PCDHGB4: variants seen among roughly 807,000 people sequenced by gnomAD.
The protein encoded by PCDHGB4 is protocadherin gamma-B4.
Under a neutral mutation model 60.5 loss-of-function variants are expected in PCDHGB4, and 38 were observed. That is an observed-to-expected ratio of 0.63 (90% confidence interval 0.48 to 0.82). The LOEUF is 0.82. PCDHGB4 is among the 40% of genes least tolerant of loss of function. PCDHGB4 has a pLI of 0.00. For synonymous variants in PCDHGB4, 456 were observed against 509.7 expected, an observed-to-expected ratio of 0.89 and a Z score of 1.42; for missense variants, 1,109 against 1,209.6, an observed-to-expected ratio of 0.92 and a Z score of 1.23.
intron 1 of PCDHGB4, among the ~76,000 whole-genome samples, chr5:141,472,994 A>AAAAG (rs1425445230): frequency 1.3e-5 from 2 of 151,692 alleles, no homozygotes; most frequent in Non-Finnish European, 2.9e-5. Context: ...AAAAAAAAAA[A>AAAAG]AAAGAAAGAA....
At position 141,477,811 on chromosome 5, in the gene PCDHGB4, C is replaced by A. The variant is rs1211574518; in HGVS notation, c.2398-16996C>A. 1 of 1,614,046 alleles carries A rather than the reference C, an allele frequency of 6.2e-7. No individual in the cohort carries two copies. Among genetic ancestry groups the A allele is most frequent in the Non-Finnish European group, 8.5e-7 (1 of 1,180,034 alleles). On this transcript the variant is annotated intron_variant, in intron 1 of 3. Transcript: ENST00000519479. This position sits in a 1 kb window ranked among gnomAD's most constrained non-coding sequence, Gnocchi z 4.9. ...TCACTGATCGCAATGACAATGCCCC[C>A]CAGGTCCTATATCCTCGGCCAGGTG...
rs766854792 is a variant in PCDHGB4 at position 141,388,160 on chromosome 5, G to A, written c.276G>A (p.Arg92=). ...GELLVSSRLD[R]EEICGKKPAC... ...TGCTTGTGAGCAGCAGGCTAGACAG[G>A]GAGGAGATATGCGGGAAGAAGCCAG... is the stretch of plus-strand genomic sequence containing the variant. The change falls in exon 1 of 4, where the codon AGG becomes AGA. Residue 92 remains arginine, a synonymous_variant. Coordinates refer to ENST00000519479, the MANE Select transcript of PCDHGB4 (RefSeq NM_003736.4). 9 of 1,474,272 alleles carry A rather than the reference G, an allele frequency of 6.1e-6. No homozygotes were observed. Among genetic ancestry groups the A allele is most frequent in the Non-Finnish European group, 8.4e-6 (9 of 1,065,922 alleles). The allele number at this position is 1,474,272 out of a possible 1,614,324, so 91.3% of individuals were successfully genotyped here. A position where few individuals can be genotyped will look rare whatever the true frequency, so the allele number is the denominator to read the frequency against.
chr5:141,398,472 C>T (rs2093659150), intron 1 of PCDHGB4: 1 of 1,606,348 alleles, frequency 6.2e-7, no homozygotes, highest in Non-Finnish European at 8.5e-7. Context: ...ATCCACTGAA[C>T]TTTTATCACG....
At chr5:141,427,856 C>T (rs1487451079) in intron 1 of PCDHGB4, 6 of 1,553,060 alleles carry the variant, frequency 3.9e-6, no homozygotes, top group Non-Finnish European at 5.3e-6. Flanking sequence ...AGCAGCTGTG[C>T]GCCTTCGAGC....
intron 1 of PCDHGB4, chr5:141,398,604 T>A: frequency 6.2e-7 from 1 of 1,614,048 alleles, no homozygotes; most frequent in Non-Finnish European, 8.5e-7. Flanking sequence ...TAGCAGAAGA[T>A]GCAGATATTG....
chr5:141,430,509 G>T, intron 1 of PCDHGB4: 1 of 328,564 alleles, frequency 3.0e-6, no homozygotes. Flanking sequence ...GGGAGTTCAA[G>T]ATTGTGCAGT....
chr5:141,441,627 G>C (rs1239011684), intron 1 of PCDHGB4: 1 of 223,512 alleles, frequency 4.5e-6, no homozygotes, highest in Non-Finnish European at 9.0e-6. Context: ...CAGTGACCTG[G>C]AGCCACAGGC....
In PCDHGB4 at chr5:141,431,059, C is replaced by G. The variant is rs367774626; in HGVS notation, c.2397+40778C>G. ...GGGAGGAGCTCTGTATGGGGGCCAT[C>G]AAGTGTCAATTAAATCTAGACATTC... On this transcript the variant is annotated intron_variant, in intron 1 of 3. Coordinates refer to ENST00000519479, the MANE Select transcript of PCDHGB4 (RefSeq NM_003736.4). This position sits in a 1 kb window ranked among gnomAD's most constrained non-coding sequence, Gnocchi z 4.8. 1 of 1,614,136 alleles carries G rather than the reference C, an allele frequency of 6.2e-7. No individual in the cohort carries two copies.
chr5:141,410,849 C>CTTTTTTTTTGTTTTTTTT (rs2095433801), intron 1 of PCDHGB4: 1 of 129,786 alleles, frequency 7.7e-6, no homozygotes, highest in African/African-American at 6.0e-5. Context: ...TTGTCTTTGT[C>CTTTTTTTTTGTTTTTTTT]TTTTTTTTTT....
intron 1 of PCDHGB4, chr5:141,422,368 G>A: frequency 1.9e-6 from 3 of 1,565,294 alleles, no homozygotes; most frequent in Non-Finnish European, 2.6e-6. Context: ...TGGAGAAAAT[G>A]GTCAAGTCTC....
At chr5:141,498,826 A>G (rs1186868890) in intron 2 of PCDHGB4, among the ~76,000 whole-genome samples, 1 of 152,006 alleles carries the variant, frequency 6.6e-6, no homozygotes, top group African/African-American at 2.4e-5. Context: ...CCAGCTACTC[A>G]GGAGGCTGAG....
At chr5:141,394,789 C>A (rs747304715) in intron 1 of PCDHGB4, 1 of 1,613,728 alleles carries the variant, frequency 6.2e-7, no homozygotes, top group South Asian at 1.1e-5. Context: ...GCCACTGTCA[C>A]GCTCACCGTA....
intron 1 of PCDHGB4, among the ~76,000 whole-genome samples, chr5:141,460,959 A>ATG (rs1248175237): frequency 7.9e-6 from 1 of 126,082 alleles, no homozygotes; most frequent in Non-Finnish European, 1.6e-5. Flanking sequence ...ATGTATATAT[A>ATG]TATGTGTGTG....
chr5:141,422,833 C>T, intron 1 of PCDHGB4: 2 of 1,614,224 alleles, frequency 1.2e-6, no homozygotes, highest in East Asian at 2.2e-5. Context: ...AGTGATAGCA[C>T]GTGACAGCGG....
chr5:141,406,620 C>T (rs1355085005), intron 1 of PCDHGB4, among the ~76,000 whole-genome samples: 1 of 152,148 alleles, frequency 6.6e-6, no homozygotes, highest in Non-Finnish European at 1.5e-5. Flanking sequence ...CTTTTATTCT[C>T]ATATCTTCAA....
intron 1 of PCDHGB4, among the ~76,000 whole-genome samples, chr5:141,470,142 A>G (rs1308458765): frequency 6.6e-6 from 1 of 152,044 alleles, no homozygotes; most frequent in Non-Finnish European, 1.5e-5. Context: ...AAAAAAGATC[A>G]TAGATCATCT....
intron 1 of PCDHGB4, chr5:141,475,890 G>C: frequency 1.8e-6 from 1 of 565,896 alleles, no homozygotes; most frequent in South Asian, 2.3e-5. Flanking sequence ...CTGGGACTCT[G>C]TGTGCCGCTG....
At chr5:141,433,211 T>TC in intron 1 of PCDHGB4, 1 of 1,568,160 alleles carries the variant, frequency 6.4e-7, no homozygotes, top group Non-Finnish European at 8.6e-7. Context: ...CTTCTTTCTT[T>TC]TTTTTTTTTA....
chr5:141,417,683 A>AAG lies in PCDHGB4; in HGVS notation c.2397+27403_2397+27404insGA, dbSNP rs201105096. 3.0e-3 allele frequency: 3,154 copies of AAG among 1,038,272 alleles called. 110 individuals carry two copies. In the East Asian group the frequency reaches 0.071, roughly 24 times the overall value. The allele number at this position is 1,038,272 out of a possible 1,614,324, so 64.3% of individuals were successfully genotyped here. The stretch of plus-strand genomic sequence containing the variant: ...GATTCCCTGCGCAGCCAACAACAGA[A>AAG]AAGAAAACCAGCTCCCACACAGAGG... On this transcript the variant is annotated intron_variant, in intron 1 of 3. Transcript: ENST00000519479.
Sources: gnomAD v4.1 joint callset for allele counts (sites outside exome capture counted in the v4.1 genomes callset) on GRCh38, gnomAD v4.1.1 for gene constraint, Gnocchi (gnomAD v3.1) non-coding constraint, MANE v1.5 for transcripts, NCBI Gene and HGNC (gene_info 2026-07-23, HGNC 2026-07-21) for gene names.